HHAT: variants seen among roughly 807,000 people sequenced by gnomAD.
HHAT encodes the protein protein-cysteine N-palmitoyltransferase HHAT.
Under a neutral mutation model 70.8 loss-of-function variants are expected in HHAT, and 47 were observed. That is an observed-to-expected ratio of 0.66 (90% confidence interval 0.53 to 0.85). The LOEUF (loss-of-function observed/expected upper bound fraction) is 0.85, where lower values mean the gene tolerates loss of function less well. Among genes scored for constraint, HHAT ranks in the 40% least tolerant of loss-of-function variants. The pLI, the probability that HHAT is intolerant of heterozygous loss-of-function variation, is 0.00. For synonymous variants in HHAT, 228 were observed against 247.6 expected (o/e 0.92, Z 0.74); for missense variants, 609 against 604.8 (o/e 1.01, Z -0.07).
chr1:210,585,002 T>G (rs111485327), intron 9 of HHAT, among the ~76,000 whole-genome samples: 142 of 152,348 alleles, frequency 9.3e-4, no homozygotes, highest in African/African-American at 3.2e-3. Context: ...TGGTCCTGTT[T>G]TTGCACAAAG....
chr1:210,674,591 A>G lies in HHAT; in HGVS notation c.*212A>G, dbSNP rs1053617574. The G allele has an allele frequency of 5.6e-6, 3 of 534,134 alleles. No homozygotes were observed. The highest frequency in any genetic ancestry group is 1.9e-5 in the African/African-American group (1 of 52,524). The allele number at this position is 534,134 out of a possible 1,614,324, so 33.1% of individuals were successfully genotyped here. A position where few individuals can be genotyped will look rare whatever the true frequency, so the allele number is the denominator to read the frequency against. On this transcript the variant is annotated 3_prime_UTR_variant, in exon 12 of 12. Transcript: ENST00000261458. ...TCTTTGAGATCTTCTACCCCAACTC[A>G]TCATTTTCCTATTGAGGAAACGGGT...
chr1:210,341,702 G>T (rs1444884735), intron 1 of HHAT, among the ~76,000 whole-genome samples: 1 of 152,180 alleles, frequency 6.6e-6, no homozygotes, highest in African/African-American at 2.4e-5. Context: ...AATGCAAGTG[G>T]CTCCAGTATA....
chr1:210,561,282 T>A (rs562772104), intron 9 of HHAT, among the ~76,000 whole-genome samples: 1 of 152,318 alleles, frequency 6.6e-6, no homozygotes, highest in South Asian at 2.1e-4. Flanking sequence ...ATAAATCTAT[T>A]CATAGTGTTT....
At chr1:210,424,099 A>G (rs925812942) in intron 7 of HHAT, among the ~76,000 whole-genome samples, 3 of 152,058 alleles carry the variant, frequency 2.0e-5, no homozygotes, top group Non-Finnish European at 4.4e-5. Context: ...TTTTGATAGG[A>G]ATTGTATTAA....
chr1:210,554,035 C>T (rs1018791970), intron 9 of HHAT, among the ~76,000 whole-genome samples: 6 of 152,100 alleles, frequency 3.9e-5, no homozygotes, highest in Admixed American at 6.6e-5. Flanking sequence ...ATCATGGGCA[C>T]GCAAAGCCTG....
intron 9 of HHAT, among the ~76,000 whole-genome samples, chr1:210,563,893 C>T (rs2095645952): frequency 6.6e-6 from 1 of 152,126 alleles, no homozygotes; most frequent in Non-Finnish European, 1.5e-5. Context: ...TTATTAGCCT[C>T]AGTGAGTGGT....
At chr1:210,484,871 C>T (rs1434697248) in intron 8 of HHAT, among the ~76,000 whole-genome samples, 1 of 152,204 alleles carries the variant, frequency 6.6e-6, no homozygotes, top group African/African-American at 2.4e-5. Flanking sequence ...TGTCCTTGGA[C>T]ATGCCCAAAT....
At chr1:210,634,061 T>C (rs1033616047) in intron 11 of HHAT, among the ~76,000 whole-genome samples, 1 of 152,194 alleles carries the variant, frequency 6.6e-6, no homozygotes, top group Non-Finnish European at 1.5e-5. Context: ...ATCAGTAAAA[T>C]GAAAAGGGAA....
At chr1:210,332,789 C>T (rs557363148) in intron 1 of HHAT, among the ~76,000 whole-genome samples, 1 of 152,326 alleles carries the variant, frequency 6.6e-6, no homozygotes, top group East Asian at 1.9e-4. Flanking sequence ...TGTGAGTCAC[C>T]TGTTGCAATG....
rs182376540 is a variant in HHAT, at chr1:210,665,630, C to T, written c.1391-8658C>T. On this transcript the variant is annotated intron_variant, in intron 11 of 11. Transcript: ENST00000261458. ...GGTGGAAGGAGGGAGGAAGTTAAGG[C>T]AGTATTAATGCTAGATAAATCGTGG... is the stretch of plus-strand genomic sequence containing the variant. Among the ~76,000 whole-genome samples, 396 of 152,272 alleles carry T rather than the reference C, an allele frequency of 2.6e-3. 5 individuals are homozygous for T. The highest frequency in any genetic ancestry group is 9.2e-3 in the African/African-American group (384 of 41,552).
chr1:210,517,699 C>T (rs1396053311), intron 9 of HHAT, among the ~76,000 whole-genome samples: 2 of 152,064 alleles, frequency 1.3e-5, no homozygotes, highest in African/African-American at 4.8e-5. Context: ...TAGGCTTTCT[C>T]ACCACAAAAA....
chr1:210,595,323 C>T (rs2148807632), intron 10 of HHAT, among the ~76,000 whole-genome samples: 1 of 152,246 alleles, frequency 6.6e-6, no homozygotes. Context: ...GCATAGTATT[C>T]CATGGTGTAT....
chr1:210,394,229 CTTTTTTTTTTTT>C (rs59554789), intron 4 of HHAT, among the ~76,000 whole-genome samples: 17 of 116,326 alleles, frequency 1.5e-4, no homozygotes, highest in East Asian at 4.2e-4. Context: ...CATGATCTAT[CTTTTTTTTTTTT>C]TTTTTTTTTT....
In HHAT at chr1:210,564,694, G is replaced by A. The variant is rs557805116; in HGVS notation, c.1044-23204G>A. Among the ~76,000 whole-genome samples the A allele has an allele frequency of 4.6e-5, 7 of 152,258 alleles. No individual in the cohort carries two copies. The South Asian group carries it at 1.5e-3, about 32-fold the overall frequency. Reference sequence around the variant, plus strand: ...CAGAAATTATCTAAAGAGGAAAGTGGAGGGCACTGTCAATGCACAATGTAA... The same window carrying A: ...CAGAAATTATCTAAAGAGGAAAGTGAAGGGCACTGTCAATGCACAATGTAA... On this transcript the variant is annotated intron_variant, in intron 9 of 11. Transcript: ENST00000261458.
intron 11 of HHAT, among the ~76,000 whole-genome samples, chr1:210,633,703 A>T (rs4951687): frequency 6.6e-6 from 1 of 152,018 alleles, no homozygotes; most frequent in Non-Finnish European, 1.5e-5. Context: ...CTGGCAGTGT[A>T]TGTCACCCTG....
intron 7 of HHAT, among the ~76,000 whole-genome samples, chr1:210,457,231 T>A (rs2093888435): frequency 6.6e-6 from 1 of 152,084 alleles, no homozygotes; most frequent in African/African-American, 2.4e-5. Context: ...TATGTTGAGG[T>A]TCCTGGTCTG....
chr1:210,374,948 C>G (rs1195801778), intron 3 of HHAT, among the ~76,000 whole-genome samples: 1 of 152,118 alleles, frequency 6.6e-6, no homozygotes, highest in Non-Finnish European at 1.5e-5. Flanking sequence ...CTGCCACCCC[C>G]CAGCAGTTCC....
intron 9 of HHAT, among the ~76,000 whole-genome samples, chr1:210,578,950 A>C (rs891955188): frequency 6.6e-6 from 1 of 152,246 alleles, no homozygotes; most frequent in South Asian, 2.1e-4. Context: ...AATGTGGTAC[A>C]TATCCACCAT....
chr1:210,558,614 G>T (rs1239310071), intron 9 of HHAT, among the ~76,000 whole-genome samples: 1 of 152,164 alleles, frequency 6.6e-6, no homozygotes, highest in African/African-American at 2.4e-5. Context: ...GCTGCTTTCT[G>T]GTCCATTTTG....
Sources: allele counts gnomAD v4.1 joint callset (sites outside exome capture counted in the v4.1 genomes callset), GRCh38; gene constraint gnomAD v4.1.1; transcripts MANE v1.5; gene names NCBI Gene and HGNC (gene_info 2026-07-23, HGNC 2026-07-21).